EPB41L4B: variants seen among roughly 807,000 people sequenced by gnomAD.
The protein encoded by EPB41L4B is erythrocyte membrane protein band 4.1 like 4B.
Under a neutral mutation model 112.5 loss-of-function variants are expected in EPB41L4B, and 30 were observed. That is an observed-to-expected ratio of 0.27 (90% confidence interval 0.20 to 0.36). The LOEUF (loss-of-function observed/expected upper bound fraction) is 0.36, where lower values mean the gene tolerates loss of function less well. Among genes scored for constraint, EPB41L4B ranks in the 10% least tolerant of loss-of-function variants. The pLI, the probability that EPB41L4B is intolerant of heterozygous loss-of-function variation, is 1.00. For missense variants in EPB41L4B, 1,024 were observed against 1,133.3 expected (o/e 0.90, Z 1.38); for synonymous variants, 408 against 439.7 (o/e 0.93, Z 0.90).
intron 19 of EPB41L4B, among the ~76,000 whole-genome samples, chr9:109,200,686 T>C (rs577274752): frequency 7.9e-5 from 12 of 152,262 alleles, no homozygotes; most frequent in African/African-American, 2.4e-4. Context: ...GTTTTGCCAG[T>C]AAAATGAAGA....
At chr9:109,254,368 G>A (rs1834903442) in intron 11 of EPB41L4B, among the ~76,000 whole-genome samples, 1 of 152,190 alleles carries the variant, frequency 6.6e-6, no homozygotes, top group Admixed American at 6.5e-5. Context: ...CTCAAAAAGA[G>A]CTTGGTCTTC....
chr9:109,226,229 A>G (rs980145475), intron 15 of EPB41L4B, among the ~76,000 whole-genome samples: 1 of 152,136 alleles, frequency 6.6e-6, no homozygotes, highest in Non-Finnish European at 1.5e-5. Flanking sequence ...AGGCACTGAC[A>G]TGGACTGGAG....
chr9:109,176,669 A>T lies in EPB41L4B; in HGVS notation c.2515T>A (p.Cys839Ser). The change falls in exon 25 of 26, where the codon TGC (cysteine) becomes AGC (serine). Residue 839 changes from cysteine (C) to serine (S), a missense_variant. Cys to Ser is a moderately radical substitution (Grantham distance 112). Coordinates refer to ENST00000374566, the MANE Select transcript of EPB41L4B (RefSeq NM_019114.5). ...AGCGGGGAAGTCGGGCCAGGACAGC[A>T]CTGTAATTTACTGTCTCTGAAGTCT... ...TADFRDSKLQ[C>S]CPGPTSPLIP... is the part of the protein sequence containing the mutation. The T allele has an allele frequency of 6.2e-7, 1 of 1,613,354 alleles. No homozygotes were observed. The highest frequency in any genetic ancestry group is 8.5e-7 in the Non-Finnish European group (1 of 1,179,858).
intron 6 of EPB41L4B, among the ~76,000 whole-genome samples, chr9:109,261,546 A>G (rs1168834144): frequency 6.6e-6 from 1 of 152,156 alleles, no homozygotes; most frequent in African/African-American, 2.4e-5. Context: ...AGGTAATGGG[A>G]GCATCCTACG....
rs1468291819 is a variant in EPB41L4B, at chr9:109,313,164, T to A, written c.306+6977A>T. On this transcript the variant is annotated intron_variant, in intron 1 of 25. Coordinates refer to ENST00000374566, the MANE Select transcript of EPB41L4B (RefSeq NM_019114.5). ...ACCACCCCATGTTGGTTTATGGGTA[T>A]CTGTTTACTCTGTCTGCCCCTCAAG... 4.6e-5 allele frequency among the ~76,000 whole-genome samples: 7 copies of A among 152,312 alleles called. No individual in the cohort carries two copies. In the South Asian group the frequency reaches 1.2e-3, roughly 27 times the overall value.
intron 18 of EPB41L4B, among the ~76,000 whole-genome samples, chr9:109,207,598 AAGGAG>A (rs377231088): frequency 6.6e-6 from 1 of 151,586 alleles, no homozygotes; most frequent in Non-Finnish European, 1.5e-5. Flanking sequence ...GAGAGAGAGA[AAGGAG>A]AGGAGAGGAG....
intron 6 of EPB41L4B, among the ~76,000 whole-genome samples, chr9:109,258,729 A>C (rs576603229): frequency 6.6e-6 from 1 of 152,326 alleles, no homozygotes; most frequent in East Asian, 1.9e-4. Flanking sequence ...GAGAGGATAG[A>C]TCAAGAATTC....
chr9:109,183,439 TG>T (rs1478197449), intron 23 of EPB41L4B, among the ~76,000 whole-genome samples: 1 of 152,182 alleles, frequency 6.6e-6, no homozygotes. Flanking sequence ...TGCCCAGTGC[TG>T]GGAGTACCTG....
chr9:109,279,703 G>GCACAGTATC, intron 2 of EPB41L4B, 114 bp downstream of exon 2: 1 of 856,030 alleles, frequency 1.2e-6, no homozygotes, highest in East Asian at 2.6e-5. Context: ...CCTGTTACTG[G>GCACAGTATC]CACAGTATCA....
intron 2 of EPB41L4B, among the ~76,000 whole-genome samples, chr9:109,272,507 C>T (rs373884684): frequency 9.2e-5 from 14 of 152,046 alleles, no homozygotes; most frequent in African/African-American, 3.1e-4. Flanking sequence ...AATCCCAGTA[C>T]TTTGGGAGGC....
At chr9:109,307,189 C>T in intron 1 of EPB41L4B, 1 of 472,914 alleles carries the variant, frequency 2.1e-6, no homozygotes, top group Non-Finnish European at 4.2e-6. Flanking sequence ...ATAGTACATA[C>T]AATCCTTTCC....
chr9:109,305,819 G>A lies in EPB41L4B; in HGVS notation c.306+14322C>T, dbSNP rs1282174552. ...AGTGCCTATAATTCCAGCTACTTGG[G>A]AGGCTGAGGCAGCAGAATCGCTTGA... On this transcript the variant is annotated intron_variant, in intron 1 of 25. Coordinates refer to ENST00000374566, the MANE Select transcript of EPB41L4B (RefSeq NM_019114.5). 2.6e-5 allele frequency among the ~76,000 whole-genome samples: 4 copies of A among 152,266 alleles called. No individual in the cohort carries two copies. In the East Asian group the frequency reaches 7.7e-4, roughly 29 times the overall value.
intron 1 of EPB41L4B, among the ~76,000 whole-genome samples, chr9:109,299,058 A>G (rs953934728): frequency 2.6e-5 from 4 of 152,214 alleles, no homozygotes; most frequent in African/African-American, 9.6e-5. Flanking sequence ...TTCCTGCTGG[A>G]TGCTGTAAAG....
intron 2 of EPB41L4B, among the ~76,000 whole-genome samples, chr9:109,274,922 A>G (rs1284020323): frequency 6.6e-6 from 1 of 152,206 alleles, no homozygotes; most frequent in African/African-American, 2.4e-5. Flanking sequence ...GGTAAACAGC[A>G]CTTATCGTGA....
At chr9:109,298,025 C>G (rs1276928070) in intron 1 of EPB41L4B, among the ~76,000 whole-genome samples, 1 of 151,906 alleles carries the variant, frequency 6.6e-6, no homozygotes, top group Non-Finnish European at 1.5e-5. Flanking sequence ...TTATAGATAG[C>G]CTTTTTTCTT....
At chr9:109,219,035 G>T (rs1181887038) in intron 15 of EPB41L4B, among the ~76,000 whole-genome samples, 2 of 152,226 alleles carry the variant, frequency 1.3e-5, no homozygotes, top group South Asian at 2.1e-4. Flanking sequence ...TGTTTGTAAG[G>T]GAAAGAGCAT....
intron 19 of EPB41L4B, among the ~76,000 whole-genome samples, chr9:109,200,550 A>T (rs974427882): frequency 2.6e-5 from 4 of 152,200 alleles, no homozygotes; most frequent in African/African-American, 9.6e-5. Flanking sequence ...CATAGGGAAG[A>T]AAATATAGCA....
intron 1 of EPB41L4B, among the ~76,000 whole-genome samples, chr9:109,285,135 C>T (rs546827720): frequency 1.3e-5 from 2 of 152,370 alleles, no homozygotes; most frequent in South Asian, 4.1e-4. Context: ...CAAATGGCCC[C>T]AAATCCAACC....
At chr9:109,268,253 A>G (rs1225962456) in intron 3 of EPB41L4B, 138 bp downstream of exon 3, 1 of 787,058 alleles carries the variant, frequency 1.3e-6, no homozygotes, top group East Asian at 3.0e-5. Flanking sequence ...TTAAGAAATT[A>G]AAAATCATCC....
Sources: gnomAD v4.1 joint callset for allele counts (sites outside exome capture counted in the v4.1 genomes callset) on GRCh38, gnomAD v4.1.1 for gene constraint, MANE v1.5 for transcripts, NCBI Gene and HGNC (gene_info 2026-07-23, HGNC 2026-07-21) for gene names.